CAB39: variants seen among roughly 807,000 people sequenced by gnomAD.
CAB39 encodes the protein calcium binding protein 39.
CAB39 carries 8 observed loss-of-function variants against 40.0 expected under a neutral mutation model. The ratio of observed to expected loss-of-function variants is 0.20; its 90% CI spans 0.12 to 0.36. The LOEUF (loss-of-function observed/expected upper bound fraction) is 0.36. Ranked by LOEUF, CAB39 falls within the 10% of genes least tolerant of loss-of-function variation. The probability of loss-of-function intolerance (pLI) is 1.00; values close to 1 mark genes in which losing one functional copy is unlikely to be tolerated. For synonymous variants in CAB39, 156 were observed against 141.6 expected (o/e 1.10, Z -0.72); for missense variants, 270 against 401.1 (o/e 0.67, Z 2.79).
chr2:230,749,676 A>G (rs1448622355), intron 1 of CAB39, among the ~76,000 whole-genome samples: 1 of 152,200 alleles, frequency 6.6e-6, no homozygotes, highest in Non-Finnish European at 1.5e-5. Context: ...TTGATTTTAA[A>G]TGACTTCTGA....
At chr2:230,763,045 C>A (rs374938063) in intron 2 of CAB39, among the ~76,000 whole-genome samples, 1 of 152,022 alleles carries the variant, frequency 6.6e-6, no homozygotes, top group Non-Finnish European at 1.5e-5. Flanking sequence ...TACCCTATTA[C>A]AAATTAAAAC....
chr2:230,752,509 A>G (rs763910362), intron 1 of CAB39, among the ~76,000 whole-genome samples: 3 of 152,198 alleles, frequency 2.0e-5, no homozygotes, highest in Non-Finnish European at 4.4e-5. Flanking sequence ...TGTCTTCACA[A>G]TGGCAGAAGA....
chr2:230,738,640 T>C (rs1305655461), intron 1 of CAB39, among the ~76,000 whole-genome samples: 5 of 152,234 alleles, frequency 3.3e-5, no homozygotes, highest in Non-Finnish European at 5.9e-5. Flanking sequence ...CTGGAAAAAG[T>C]CTGTTTACAC....
chr2:230,740,489 A>G (rs1575912457), intron 1 of CAB39, among the ~76,000 whole-genome samples: 2 of 152,262 alleles, frequency 1.3e-5, no homozygotes, highest in African/African-American at 4.8e-5. Flanking sequence ...GCAGTAATAC[A>G]GCAGACCCCA....
chr2:230,796,229 T>A (rs1460662849), intron 4 of CAB39, among the ~76,000 whole-genome samples: 1 of 152,234 alleles, frequency 6.6e-6, no homozygotes, highest in East Asian at 1.9e-4. Flanking sequence ...TTCCATACAG[T>A]GTGATTATCT....
chr2:230,817,450 T>G (rs1006256251), intron 7 of CAB39, among the ~76,000 whole-genome samples: 4 of 152,300 alleles, frequency 2.6e-5, no homozygotes, highest in African/African-American at 9.6e-5. Context: ...CTAACACAAA[T>G]GCACGCTTAA....
chr2:230,755,379 C>T (rs982422214), intron 1 of CAB39, among the ~76,000 whole-genome samples: 2 of 152,128 alleles, frequency 1.3e-5, no homozygotes, highest in African/African-American at 4.8e-5. Flanking sequence ...GTTTGCATTT[C>T]CCTGATCATT....
intron 1 of CAB39, among the ~76,000 whole-genome samples, chr2:230,748,834 ATATATATATATATATATATATAT>A (rs1695033200): frequency 1.1e-4 from 6 of 53,948 alleles, no homozygotes; most frequent in Non-Finnish European, 3.2e-5. Flanking sequence ...AAAAAAAAAT[ATATATATATATATATATATATAT>A]ATATATATAT....
intron 1 of CAB39, chr2:230,725,486 A>G: frequency 8.3e-7 from 1 of 1,205,138 alleles, no homozygotes; most frequent in Non-Finnish European, 1.2e-6. Context: ...CCTCCCGTTT[A>G]ATCTTTTAAC....
chr2:230,732,265 G>C (rs572598528), intron 1 of CAB39, among the ~76,000 whole-genome samples: 1 of 152,030 alleles, frequency 6.6e-6, no homozygotes, highest in African/African-American at 2.4e-5. Context: ...GTATTTTTTA[G>C]TGGAGACGGT....
At chr2:230,810,874 T>C (rs1033324056) in intron 6 of CAB39, among the ~76,000 whole-genome samples, 1 of 152,234 alleles carries the variant, frequency 6.6e-6, no homozygotes, top group Non-Finnish European at 1.5e-5. Flanking sequence ...ACTGAGTCAA[T>C]GTCAGATGTT....
chr2:230,773,675 C>T (rs1695532943), intron 2 of CAB39, among the ~76,000 whole-genome samples: 1 of 152,000 alleles, frequency 6.6e-6, no homozygotes, highest in Non-Finnish European at 1.5e-5. Flanking sequence ...GAGGTACAGC[C>T]TAGGGAGAAG....
intron 7 of CAB39, among the ~76,000 whole-genome samples, chr2:230,816,201 A>G (rs564825545): frequency 6.6e-6 from 1 of 152,368 alleles, no homozygotes; most frequent in African/African-American, 2.4e-5. Context: ...TGAGCTCGGG[A>G]GGTGGAGGTT....
At chr2:230,804,691 A>G (rs145319110) in intron 5 of CAB39, among the ~76,000 whole-genome samples, 8,321 of 152,266 alleles carry the variant, frequency 0.055, 784 homozygotes, top group African/African-American at 0.19. Flanking sequence ...TCAAAACCAC[A>G]ATGAGATACC....
intron 2 of CAB39, among the ~76,000 whole-genome samples, chr2:230,785,309 G>A (rs1695769577): frequency 7.0e-6 from 1 of 142,066 alleles, no homozygotes; most frequent in South Asian, 2.5e-4. Flanking sequence ...TTGGACTATG[G>A]TAAATACAGG....
At chr2:230,763,240 T>G (rs759197364) in intron 2 of CAB39, among the ~76,000 whole-genome samples, 1 of 152,222 alleles carries the variant, frequency 6.6e-6, no homozygotes, top group Non-Finnish European at 1.5e-5. Flanking sequence ...TGGCTTATCT[T>G]AGCTATGTTT....
intron 1 of CAB39, among the ~76,000 whole-genome samples, chr2:230,748,831 A>AAAAAAAAAAAAAAT (rs1386799920): frequency 3.5e-5 from 1 of 28,512 alleles, no homozygotes; most frequent in Admixed American, 6.5e-4. Context: ...AAAAAAAAAA[A>AAAAAAAAAAAAAAT]ATATATATAT....
intron 2 of CAB39, among the ~76,000 whole-genome samples, chr2:230,765,665 A>G (rs1269316048): frequency 6.6e-6 from 1 of 152,132 alleles, no homozygotes; most frequent in Non-Finnish European, 1.5e-5. Context: ...ATTTTCAACC[A>G]GGGGCAATTT....
chr2:230,818,892 C>T lies in CAB39; in HGVS notation c.*188C>T, dbSNP rs1170637172. ...AGCTGCTGCTGCTTGCACACTAGGG[C>T]ACATGTGGGCTTTCTCTTGATCTTT... On this transcript the variant is annotated 3_prime_UTR_variant, in exon 9 of 9. Transcript: ENST00000258418. 1.3e-5 allele frequency: 7 copies of T among 528,180 alleles called. No homozygotes were observed. The highest frequency in any genetic ancestry group is 2.4e-5 in the Non-Finnish European group (7 of 294,040). 32.7% of individuals were successfully genotyped at this position (528,180 alleles called of 1,614,324 possible).
Sources: allele counts gnomAD v4.1 joint callset (sites outside exome capture counted in the v4.1 genomes callset), GRCh38; gene constraint gnomAD v4.1.1; transcripts MANE v1.5; gene names NCBI Gene and HGNC (gene_info 2026-07-23, HGNC 2026-07-21).